Variants in SCMH1 observed in about 807,000 individuals in gnomAD.
The protein encoded by SCMH1 is polycomb protein SCMH1.
Under a neutral mutation model 70.8 loss-of-function variants are expected in SCMH1, and 37 were observed. The observed-to-expected ratio is 0.52, with a 90% CI of 0.40 to 0.69. The LOEUF (loss-of-function observed/expected upper bound fraction) is 0.69. SCMH1 is among the 30% of genes least tolerant of loss of function. The pLI, the probability that SCMH1 is intolerant of heterozygous loss-of-function variation, is 0.00. For missense variants in SCMH1, 607 were observed against 827.3 expected, an observed-to-expected ratio of 0.73 and a Z score of 3.27; for synonymous variants, 292 against 307.4, an observed-to-expected ratio of 0.95 and a Z score of 0.52.
chr1:41,194,796 C>G (rs1652598909), intron 1 of SCMH1, among the ~76,000 whole-genome samples: 1 of 152,096 alleles, frequency 6.6e-6, no homozygotes, highest in Non-Finnish European at 1.5e-5. Context: ...CAGTGTGGAA[C>G]CAGAGTAAGA....
intron 1 of SCMH1, among the ~76,000 whole-genome samples, chr1:41,225,935 A>G (rs982263689): frequency 6.6e-6 from 1 of 152,184 alleles, no homozygotes. Flanking sequence ...AATAATAAAG[A>G]CACAGCTTAT....
intron 3 of SCMH1, 41 bp from the exon 4 acceptor site, chr1:41,160,939 A>T: frequency 6.5e-7 from 1 of 1,532,270 alleles, no homozygotes; most frequent in Non-Finnish European, 8.8e-7. Flanking sequence ...TCATTAAGAC[A>T]AACATACCAA....
chr1:41,120,497 T>C (rs1437704005), intron 6 of SCMH1, among the ~76,000 whole-genome samples: 1 of 152,144 alleles, frequency 6.6e-6, no homozygotes, highest in Non-Finnish European at 1.5e-5. Flanking sequence ...GATACCAAAC[T>C]TTGTGGTTCT....
chr1:41,103,132 ATTT>A (rs59012666), intron 8 of SCMH1, among the ~76,000 whole-genome samples: 1 of 145,310 alleles, frequency 6.9e-6, no homozygotes, highest in Non-Finnish European at 1.5e-5. Flanking sequence ...AGGGAAGAAA[ATTT>A]TTTTTTTTTT....
intron 8 of SCMH1, among the ~76,000 whole-genome samples, chr1:41,110,811 T>C (rs1471131085): frequency 6.6e-6 from 1 of 152,218 alleles, no homozygotes; most frequent in Non-Finnish European, 1.5e-5. Context: ...TATCTATGAG[T>C]GGACTTACTG....
chr1:41,158,733 G>C (rs1169005059), intron 4 of SCMH1, among the ~76,000 whole-genome samples: 3 of 152,196 alleles, frequency 2.0e-5, no homozygotes, highest in African/African-American at 7.2e-5. Flanking sequence ...AGAATGGGCA[G>C]GAGGGTGATA....
intron 8 of SCMH1, among the ~76,000 whole-genome samples, chr1:41,102,201 T>C (rs1008660998): frequency 2.0e-5 from 3 of 152,140 alleles, no homozygotes; most frequent in South Asian, 2.1e-4. Context: ...CTACATGGCA[T>C]AGGAGAGCAT....
chr1:41,193,534 T>C (rs1045419963), intron 1 of SCMH1, among the ~76,000 whole-genome samples: 1 of 148,820 alleles, frequency 6.7e-6, no homozygotes, highest in Middle Eastern at 3.4e-3. Context: ...TGGGGGGGGG[T>C]TGAGGAAAGC....
chr1:41,170,172 G>A (rs1310587860), intron 2 of SCMH1, among the ~76,000 whole-genome samples: 1 of 152,116 alleles, frequency 6.6e-6, no homozygotes, highest in Non-Finnish European at 1.5e-5. Context: ...TTTTCCTGTG[G>A]TCTAGAAAGA....
intron 12 of SCMH1, among the ~76,000 whole-genome samples, chr1:41,040,150 T>G (rs937373954): frequency 6.6e-6 from 1 of 152,132 alleles, no homozygotes. Flanking sequence ...AATATACTAT[T>G]GATATGCTGC....
intron 10 of SCMH1, among the ~76,000 whole-genome samples, chr1:41,067,889 T>C (rs1215158365): frequency 6.6e-6 from 1 of 152,154 alleles, no homozygotes; most frequent in Admixed American, 6.5e-5. Context: ...GGAGACAATG[T>C]ATGTGTAGGG....
intron 1 of SCMH1, among the ~76,000 whole-genome samples, chr1:41,219,785 C>T (rs1360326902): frequency 6.6e-6 from 1 of 151,988 alleles, no homozygotes; most frequent in Non-Finnish European, 1.5e-5. Context: ...AACAAACTTA[C>T]CCGGGTATGG....
chr1:41,107,673 C>A (rs1467603332), intron 8 of SCMH1, among the ~76,000 whole-genome samples: 1 of 152,180 alleles, frequency 6.6e-6, no homozygotes, highest in Non-Finnish European at 1.5e-5. Flanking sequence ...GTGGGCACCA[C>A]CACACCCAGC....
At chr1:41,228,862 T>C (rs567480037) in intron 1 of SCMH1, among the ~76,000 whole-genome samples, 10 of 152,278 alleles carry the variant, frequency 6.6e-5, no homozygotes, top group African/African-American at 2.4e-4. Flanking sequence ...CCAGAGCAGT[T>C]GTAGGCAAAG....
At chr1:41,031,065 T>C (rs2148502928) in intron 13 of SCMH1, among the ~76,000 whole-genome samples, 1 of 152,166 alleles carries the variant, frequency 6.6e-6, no homozygotes, top group South Asian at 2.1e-4. Flanking sequence ...GGCAGGAGGA[T>C]CGCTTGAGGC....
chr1:41,028,067 A>G, exon 15 of SCMH1: 1 of 1,170,790 alleles, frequency 8.5e-7, no homozygotes, highest in Non-Finnish European at 1.2e-6. Flanking sequence ...GTGGCTCCAC[A>G]CAGCCTCTTG....
chr1:41,152,893 TCA>T (rs1358152211), intron 4 of SCMH1, among the ~76,000 whole-genome samples: 2 of 152,196 alleles, frequency 1.3e-5, no homozygotes, highest in Admixed American at 6.5e-5. Context: ...TGGCCAGAAA[TCA>T]CAGTCAGTTC....
intron 6 of SCMH1, among the ~76,000 whole-genome samples, chr1:41,129,332 T>A (rs904421936): frequency 6.6e-6 from 1 of 152,112 alleles, no homozygotes; most frequent in Admixed American, 6.6e-5. Flanking sequence ...CAACTGAAAC[T>A]CTGTACCTAT....
At chr1:41,100,424 T>C (rs3766323) in intron 8 of SCMH1, among the ~76,000 whole-genome samples, 1 of 152,094 alleles carries the variant, frequency 6.6e-6, no homozygotes, top group Non-Finnish European at 1.5e-5. Flanking sequence ...ATTATGTCTT[T>C]AAGTTTGGTT....
Sources: gnomAD v4.1 joint callset for allele counts (sites outside exome capture counted in the v4.1 genomes callset) on GRCh38, gnomAD v4.1.1 for gene constraint, MANE v1.5 for transcripts, NCBI Gene and HGNC (gene_info 2026-07-23, HGNC 2026-07-21) for gene names.